The following MALRD1 variants were observed in gnomAD, a reference collection of about 807,000 sequenced individuals.
MALRD1 encodes MAM and LDL receptor class A domain containing 1.
In MALRD1, 247 loss-of-function variants were observed where a neutral mutation model predicts 242.1. The observed-to-expected ratio is 1.02, with a 90% CI of 0.92 to 1.13. MALRD1 has a LOEUF of 1.13. MALRD1 is among the 50% of genes most tolerant of loss of function. MALRD1 has a pLI of 0.00. For missense variants in MALRD1, 2,989 were observed against 2,533.1 expected (o/e 1.18, Z -3.86); for synonymous variants, 995 against 866.6 (o/e 1.15, Z -2.60).
chr10:19,702,038 T>C (rs149444592), intron 38 of MALRD1, among the ~76,000 whole-genome samples: 1 of 152,202 alleles, frequency 6.6e-6, no homozygotes, highest in African/African-American at 2.4e-5. Flanking sequence ...TTAGATTAAA[T>C]GAAAGTCAAT....
At chr10:19,210,734 A>C (rs752706644) in intron 18 of MALRD1, among the ~76,000 whole-genome samples, 18 of 152,190 alleles carry the variant, frequency 1.2e-4, no homozygotes, top group Non-Finnish European at 1.8e-4. Context: ...TTGTACAGTG[A>C]AGAACACATT....
chr10:19,238,577 G>GTA (rs1564493098), intron 18 of MALRD1, among the ~76,000 whole-genome samples: 17 of 63,976 alleles, frequency 2.7e-4, no homozygotes, highest in African/African-American at 9.1e-4. Flanking sequence ...TATACATAAT[G>GTA]TATATTATAT....
chr10:19,304,873 A>G (rs566424879), intron 21 of MALRD1, among the ~76,000 whole-genome samples: 1 of 151,860 alleles, frequency 6.6e-6, no homozygotes, highest in South Asian at 2.1e-4. Context: ...TTCACTGATT[A>G]TTGTCTATTT....
chr10:19,604,203 G>A (rs1838499793), intron 34 of MALRD1, among the ~76,000 whole-genome samples: 1 of 152,140 alleles, frequency 6.6e-6, no homozygotes, highest in African/African-American at 2.4e-5. Flanking sequence ...ATACACAAAT[G>A]ATAGGAAAGC....
chr10:19,356,606 A>C (rs146187048), intron 26 of MALRD1, among the ~76,000 whole-genome samples: 3 of 152,174 alleles, frequency 2.0e-5, no homozygotes, highest in African/African-American at 7.2e-5. Context: ...TGTATTGTAT[A>C]CTCACAGCAC....
intron 32 of MALRD1, among the ~76,000 whole-genome samples, chr10:19,551,593 A>G (rs568348389): frequency 2.6e-5 from 4 of 152,092 alleles, no homozygotes; most frequent in Admixed American, 2.0e-4. Flanking sequence ...GAAGCCCTTT[A>G]TTTCTTTATC....
intron 36 of MALRD1, among the ~76,000 whole-genome samples, chr10:19,647,686 A>G (rs1027373157): frequency 1.3e-5 from 2 of 152,170 alleles, no homozygotes; most frequent in African/African-American, 4.8e-5. Context: ...AACCTGGGAT[A>G]TTGACATCTT....
chr10:19,463,097 T>A (rs115838390), intron 29 of MALRD1, among the ~76,000 whole-genome samples: 240 of 152,294 alleles, frequency 1.6e-3, no homozygotes, highest in African/African-American at 5.5e-3. Context: ...GAATATATAT[T>A]TGTATAGAGA....
intron 18 of MALRD1, among the ~76,000 whole-genome samples, chr10:19,239,161 C>A (rs1838643940): frequency 6.6e-6 from 1 of 151,664 alleles, no homozygotes; most frequent in Non-Finnish European, 1.5e-5. Flanking sequence ...CTGGTTCAAG[C>A]AATTCCCCTG....
intron 2 of MALRD1, among the ~76,000 whole-genome samples, chr10:19,076,465 C>G (rs1835321793): frequency 6.6e-6 from 1 of 151,976 alleles, no homozygotes; most frequent in East Asian, 1.9e-4. Flanking sequence ...TTTAATCCAT[C>G]TTTAGTTAAT....
chr10:19,595,200 T>A lies in MALRD1; in HGVS notation c.5687T>A (p.Val1896Asp), dbSNP rs1014547387. Reference protein sequence around the residue: ...FTPECVTGGPVPVQPSPCEAD... With the variant: ...FTPECVTGGPDPVQPSPCEAD... The stretch of plus-strand genomic sequence containing the variant: ...GACTTGCTCTCTTTTTTAGGTCCTG[T>A]CCCAGTGCAGCCATCACCCTGTGAA... The change falls in exon 34 of 40, where the codon GTC becomes GAC. Residue 1896 changes from valine to aspartate, a missense_variant. Transcript: ENST00000454679. 6.5e-7 allele frequency: 1 copy of A among 1,549,200 alleles called. No homozygotes were observed. Among genetic ancestry groups the A allele is most frequent in the Non-Finnish European group, 8.7e-7 (1 of 1,146,082 alleles).
chr10:19,658,162 C>CA (rs34596840), intron 36 of MALRD1, among the ~76,000 whole-genome samples: 7,907 of 150,100 alleles, frequency 0.053, 647 homozygotes, highest in African/African-American at 0.17. Context: ...ACAAAGCAAA[C>CA]AAAAAAAAAC....
At chr10:19,685,099 G>A (rs1478217441) in intron 36 of MALRD1, among the ~76,000 whole-genome samples, 3 of 151,942 alleles carry the variant, frequency 2.0e-5, no homozygotes, top group African/African-American at 7.3e-5. Context: ...TTCCTTCCCT[G>A]GAATAAATAT....
chr10:19,061,157 A>G (rs1302104731), intron 1 of MALRD1, among the ~76,000 whole-genome samples: 1 of 152,152 alleles, frequency 6.6e-6, no homozygotes, highest in East Asian at 1.9e-4. Flanking sequence ...ATCAGGAAGA[A>G]TAGCTAATGG....
intron 19 of MALRD1, among the ~76,000 whole-genome samples, chr10:19,277,373 A>G (rs1840583057): frequency 6.6e-6 from 1 of 152,130 alleles, no homozygotes; most frequent in Non-Finnish European, 1.5e-5. Context: ...CTTGGTCTTA[A>G]TCTCTCATGT....
Position 19,531,301 on chromosome 10 carries a change from G to T in MALRD1, c.5428G>T (p.Val1810Phe). The T allele has an allele frequency of 1.3e-6, 2 of 1,549,938 alleles. No homozygotes were observed. The highest frequency in any genetic ancestry group is 2.4e-5 in the East Asian group (1 of 40,900). The change falls in exon 32 of 40, where the codon GTT becomes TTT. Residue 1810 changes from valine to phenylalanine, a missense_variant. By Grantham distance (50) the Val-to-Phe change is conservative (BLOSUM62 -1). Transcript: ENST00000454679. ...CCCAGCAAGCCTTGGAATGTGTACT[G>T]TTCGGTTCTGGTTCTACATGATTGA... is the stretch of plus-strand genomic sequence containing the variant. ...SFPASLGMCT[V>F]RFWFYMIDPR...
At chr10:19,620,998 A>G (rs1468030064) in intron 36 of MALRD1, among the ~76,000 whole-genome samples, 1 of 146,634 alleles carries the variant, frequency 6.8e-6, no homozygotes, top group Non-Finnish European at 1.5e-5. Flanking sequence ...GCAACTACCA[A>G]AAAAAAAAAA....
chr10:19,641,503 A>C (rs150278070), intron 36 of MALRD1, among the ~76,000 whole-genome samples: 1 of 152,274 alleles, frequency 6.6e-6, no homozygotes, highest in African/African-American at 2.4e-5. Flanking sequence ...CTTATTGAAC[A>C]AATGTCTTCT....
chr10:19,241,600 T>A (rs1416854364), intron 18 of MALRD1, among the ~76,000 whole-genome samples: 1 of 152,080 alleles, frequency 6.6e-6, no homozygotes, highest in Non-Finnish European at 1.5e-5. Flanking sequence ...AATTTTGGGA[T>A]TAGTTTGTTT....
Sources: gnomAD v4.1 joint callset for allele counts (sites outside exome capture counted in the v4.1 genomes callset) on GRCh38, gnomAD v4.1.1 for gene constraint, MANE v1.5 for transcripts, NCBI Gene and HGNC (gene_info 2026-07-23, HGNC 2026-07-21) for gene names.